Variants in DCAF6 observed in about 807,000 individuals in gnomAD.
The protein encoded by DCAF6 is DDB1 and CUL4 associated factor 6, also known as DDB1- and CUL4-associated factor 6.
DCAF6 carries 54 observed loss-of-function variants against 125.1 expected under a neutral mutation model. That is an observed-to-expected ratio of 0.43 (90% confidence interval 0.35 to 0.54). The LOEUF is 0.54. DCAF6 is among the 20% of genes least tolerant of loss of function. The probability of loss-of-function intolerance (pLI) is 0.01; values close to 1 mark genes in which losing one functional copy is unlikely to be tolerated. For missense variants in DCAF6, 934 were observed against 1,161.7 expected, an observed-to-expected ratio of 0.80 and a Z score of 2.85; for synonymous variants, 371 against 390.4, an observed-to-expected ratio of 0.95 and a Z score of 0.58.
the DCAF6 span, chr1:167,904,731 G>A: frequency 2.3e-3 from 1,399 of 611,610 alleles, 38 homozygotes; most frequent in South Asian, 0.026. Context: ...CAGTGAAGTT[G>A]GGGCAGAGAT....
chr1:167,977,881 C>T (rs1678494437), intron 4 of DCAF6, among the ~76,000 whole-genome samples: 1 of 152,186 alleles, frequency 6.6e-6, no homozygotes, highest in African/African-American at 2.4e-5. Context: ...CCACCTAGCA[C>T]ATTAAGTATC....
chr1:167,954,731 C>T (rs989608077), intron 2 of DCAF6, among the ~76,000 whole-genome samples: 15 of 152,080 alleles, frequency 9.9e-5, no homozygotes, highest in African/African-American at 2.4e-4. Flanking sequence ...GGATTACAGG[C>T]GTGAGCCACC....
chr1:167,968,610 G>A (rs975303897), intron 3 of DCAF6: 2 of 152,376 alleles, frequency 1.3e-5, no homozygotes, highest in African/African-American at 4.8e-5. Context: ...TGTTCATTTA[G>A]TAGGTGGGCC....
chr1:167,966,522 G>A (rs888798079), intron 2 of DCAF6, 107 bp from the exon 3 acceptor site: 24 of 738,814 alleles, frequency 3.2e-5, no homozygotes, highest in African/African-American at 1.1e-4. Flanking sequence ...ACTTTTTAAC[G>A]TATAACCTCA....
At chr1:168,003,696 C>T (rs1682945390) in intron 8 of DCAF6, among the ~76,000 whole-genome samples, 174 bp from the exon 9 acceptor site, 1 of 152,108 alleles carries the variant, frequency 6.6e-6, no homozygotes, top group South Asian at 2.1e-4. Context: ...TAAACAATTA[C>T]TATAAAATGT....
intron 4 of DCAF6, among the ~76,000 whole-genome samples, chr1:167,976,058 T>A (rs1267307960): frequency 6.6e-6 from 1 of 152,172 alleles, no homozygotes; most frequent in East Asian, 1.9e-4. Flanking sequence ...TTACTGGAGA[T>A]TTATGAATTT....
chr1:168,042,152 C>T (rs561831516), intron 13 of DCAF6, among the ~76,000 whole-genome samples: 1 of 151,866 alleles, frequency 6.6e-6, no homozygotes, highest in East Asian at 1.9e-4. Context: ...AGTCCATGAT[C>T]GTTTGTATTG....
the DCAF6 span, among the ~76,000 whole-genome samples, chr1:167,928,381 C>T: frequency 1.3e-5 from 2 of 151,322 alleles, no homozygotes; most frequent in African/African-American, 2.4e-5. Flanking sequence ...TTAACCCTTT[C>T]ATTGTAGCTA....
intron 10 of DCAF6, among the ~76,000 whole-genome samples, chr1:168,011,813 A>G (rs1473342498): frequency 6.6e-6 from 1 of 152,088 alleles, no homozygotes; most frequent in Non-Finnish European, 1.5e-5. Flanking sequence ...CTCCATTTCT[A>G]CCAAAATAAA....
At chr1:167,924,193 G>C in the DCAF6 span, among the ~76,000 whole-genome samples, 1 of 152,062 alleles carries the variant, frequency 6.6e-6, no homozygotes, top group Non-Finnish European at 1.5e-5. Context: ...GTTCTAACTA[G>C]CTTAATGTTT....
intron 16 of DCAF6, among the ~76,000 whole-genome samples, chr1:168,047,075 T>A (rs1202582597): frequency 1.3e-5 from 2 of 152,126 alleles, no homozygotes; most frequent in Non-Finnish European, 2.9e-5. Flanking sequence ...TTTTGTATAT[T>A]CTAGAGCTAA....
the DCAF6 span, among the ~76,000 whole-genome samples, chr1:167,885,711 G>A: frequency 1.3e-5 from 2 of 152,100 alleles, no homozygotes; most frequent in Non-Finnish European, 2.9e-5. Context: ...CGCCTCCTGG[G>A]TTCAAGTGAT....
chr1:167,996,338 T>C (rs1025457199), intron 7 of DCAF6, among the ~76,000 whole-genome samples: 38 of 152,186 alleles, frequency 2.5e-4, no homozygotes, highest in Admixed American at 2.3e-3. Context: ...TTGGGCTTCT[T>C]TGTTGAATTC....
At chr1:167,933,560 GT>G (rs1431771436), upstream of DCAF6, among the ~76,000 whole-genome samples, 1 of 152,190 alleles carries the variant, frequency 6.6e-6, no homozygotes, top group Non-Finnish European at 1.5e-5. Context: ...ATTTCCAACT[GT>G]TAATATTGTA....
intron 17 of DCAF6, among the ~76,000 whole-genome samples, chr1:168,062,328 G>A (rs537969738): frequency 1.3e-5 from 2 of 152,082 alleles, no homozygotes; most frequent in Non-Finnish European, 2.9e-5. Context: ...GATTATATGG[G>A]CCTGTTTTGT....
In DCAF6 at chr1:168,035,740, AT is replaced by A. The variant is rs1687721857; in HGVS notation, c.1610-2630del. ...ACCAATATTTGACATGTTTTGTAAT[AT>A]GTAGATTATATTCCTGAGAGATTAA... is the stretch of plus-strand genomic sequence containing the variant. On this transcript the variant is annotated intron_variant, in intron 12 of 21. Coordinates refer to ENST00000367840, the MANE Select transcript of DCAF6 (RefSeq NM_001198956.2). 6.6e-5 allele frequency among the ~76,000 whole-genome samples: 10 copies of A among 152,326 alleles called. No individual in the cohort carries two copies. The South Asian group carries it at 2.1e-3, about 32-fold the overall frequency.
At chr1:168,009,749 G>A (rs1571923073) in intron 10 of DCAF6, among the ~76,000 whole-genome samples, 1 of 149,548 alleles carries the variant, frequency 6.7e-6, no homozygotes, top group African/African-American at 2.5e-5. Flanking sequence ...ACTACCCTAG[G>A]TAAAGTCCTC....
chr1:167,895,107 G>A, the DCAF6 span, among the ~76,000 whole-genome samples: 3 of 151,646 alleles, frequency 2.0e-5, no homozygotes, highest in African/African-American at 4.9e-5. Flanking sequence ...GCTTGAACCC[G>A]GGAGGCAGAG....
intron 17 of DCAF6, among the ~76,000 whole-genome samples, chr1:168,056,679 C>T (rs12078184): frequency 0.029 from 4,393 of 152,280 alleles, 218 homozygotes; most frequent in African/African-American, 0.1. Context: ...GAACCTGTAG[C>T]GTAATAAAGC....
Sources: gnomAD v4.1 joint callset for allele counts (sites outside exome capture counted in the v4.1 genomes callset) on GRCh38, gnomAD v4.1.1 for gene constraint, MANE v1.5 for transcripts, NCBI Gene and HGNC (gene_info 2026-07-23, HGNC 2026-07-21) for gene names.